GSDMB: variants seen among roughly 807,000 people sequenced by gnomAD.
GSDMB encodes gasdermin-B.
A neutral mutation model predicts 42.9 loss-of-function variants in GSDMB; 32 were observed. The ratio of observed to expected loss-of-function variants is 0.75; its 90% confidence interval spans 0.56 to 1.00. The LOEUF is 1.00. Among genes scored for constraint, GSDMB ranks in the 50% least tolerant of loss-of-function variants. The pLI, the probability that GSDMB is intolerant of heterozygous loss-of-function variation, is 0.00. For synonymous variants in GSDMB, 175 were observed against 193.7 expected (o/e 0.90, Z 0.80); for missense variants, 468 against 498.5 (o/e 0.94, Z 0.58).
At chr17:39,917,007 G>A (rs2063723274) in intron 2 of GSDMB, 75 bp downstream of exon 2, 1 of 899,290 alleles carries the variant, frequency 1.1e-6, no homozygotes, top group East Asian at 2.4e-5. Context: ...GATAACAATG[G>A]GGAATTGAGA....
intron 2 of GSDMB, among the ~76,000 whole-genome samples, chr17:39,913,454 C>A (rs2063652121): frequency 6.6e-6 from 1 of 152,174 alleles, no homozygotes; most frequent in Non-Finnish European, 1.5e-5. Context: ...GAAACCCCAT[C>A]TCTACCAAAT....
intron 3 of GSDMB, among the ~76,000 whole-genome samples, chr17:39,911,843 CT>C (rs1464700144): frequency 6.6e-6 from 1 of 151,940 alleles, no homozygotes; most frequent in East Asian, 1.9e-4. Context: ...AGGAGAGTGC[CT>C]CTTAAACCAC....
In GSDMB at chr17:39,909,556, C is replaced by T. The variant is rs917601923; in HGVS notation, c.576+200G>A. The T allele has an allele frequency of 7.3e-6, 4 of 549,642 alleles. No individual in the cohort carries two copies. The South Asian group carries it at 7.9e-5, about 11-fold the overall frequency. 34.0% of individuals were successfully genotyped at this position (549,642 alleles called of 1,614,324 possible). A position where few individuals can be genotyped will look rare whatever the true frequency, so the allele number is the denominator to read the frequency against. ...ATTTAAAAAAGAAAGAAAGAAAATGCAAATGAAAAGAGGGCACCGCTAGAG... is the reference window on the plus strand; with the variant it reads ...ATTTAAAAAAGAAAGAAAGAAAATGTAAATGAAAAGAGGGCACCGCTAGAG... On this transcript the variant is annotated intron_variant, in intron 4 of 10. Coordinates refer to ENST00000418519, the MANE Select transcript of GSDMB (RefSeq NM_001165958.2).
chr17:39,906,982 C>A lies in GSDMB; in HGVS notation c.706G>T (p.Asp236Tyr). The A allele has an allele frequency of 6.2e-7, 1 of 1,614,076 alleles. No homozygotes were observed. The highest frequency in any genetic ancestry group is 8.5e-7 in the Non-Finnish European group (1 of 1,179,960). Residue 236 changes from aspartate (D) to tyrosine (Y), a missense_variant, in exon 7 of 11, where the codon GAT becomes TAT. Physicochemically the swap from Asp to Tyr is radical, Grantham distance 160. Coordinates refer to ENST00000418519, the MANE Select transcript of GSDMB (RefSeq NM_001165958.2). Reference sequence around the variant, plus strand: ...TTACCTAAACAGGATGAAGCACCATCCTTCTCTGCAGAGAGAGGAAGAGTT... The same window carrying A: ...TTACCTAAACAGGATGAAGCACCATACTTCTCTGCAGAGAGAGGAAGAGTT... The part of the protein sequence containing the change: ...GKTKSFPEEK[D>Y]GASSCLGKSL...
Position 39,917,283 on chromosome 17 carries a change from C to CGCTG in GSDMB, c.33_34insCAGC (p.Val12GlnfsTer4). 1 of 1,613,552 alleles carries CGCTG rather than the reference C, an allele frequency of 6.2e-7. No individual in the cohort carries two copies. Among genetic ancestry groups the CGCTG allele is most frequent in the Non-Finnish European group, 8.5e-7 (1 of 1,179,448 alleles). ...CCTCCAGCATCCATCTCCTTAACTA[C>CGCTG]AATTCTTGTGATTTCCTCAAATACG... On this transcript the variant is annotated frameshift_variant, in exon 2 of 11. Coordinates refer to ENST00000418519, the MANE Select transcript of GSDMB (RefSeq NM_001165958.2). LOFTEE classifies it high-confidence loss of function.
chr17:39,913,096 C>T (rs1430167108), intron 2 of GSDMB, among the ~76,000 whole-genome samples: 1 of 150,036 alleles, frequency 6.7e-6, no homozygotes, highest in Non-Finnish European at 1.5e-5. Flanking sequence ...GAGAGTGACA[C>T]TCTGCCTCTC....
At chr17:39,918,433 C>T (rs1420172979) in intron 1 of GSDMB, 101 bp downstream of exon 1, 2 of 152,596 alleles carry the variant, frequency 1.3e-5, no homozygotes, top group Admixed American at 6.5e-5. Context: ...TCTCTGGCCC[C>T]ATCATGGTGG....
At chr17:39,912,580 T>TC in intron 2 of GSDMB, 83 bp from the exon 3 acceptor site, 2 of 1,066,802 alleles carry the variant, frequency 1.9e-6, no homozygotes, top group Non-Finnish European at 2.9e-6. Context: ...GGCAGCCCCA[T>TC]CCTGGGTTCC....
In GSDMB at chr17:39,904,973, A is replaced by G. The variant is rs958861316; in HGVS notation, c.1099-9T>C. The G allele has an allele frequency of 6.2e-7, 1 of 1,612,694 alleles. No individual in the cohort carries two copies. The highest frequency in any genetic ancestry group is 8.5e-7 in the Non-Finnish European group (1 of 1,179,004). On this transcript the variant is annotated splice_polypyrimidine_tract_variant and intron_variant, in intron 10 of 10. Transcript: ENST00000418519. ...TCCATGACAGATTTCACCTGGAAGG[A>G]AACCCCCCAGATTGTAACAGCTAGG...
chr17:39,909,757 T>G lies in GSDMB; in HGVS notation c.575A>C (p.Lys192Thr), dbSNP rs552097998. The G allele has an allele frequency of 7.2e-5, 116 of 1,613,518 alleles. 1 individual carries two copies. The Admixed American group carries it at 8.2e-4, about 11-fold the overall frequency. The change falls in exon 4 of 11, where the codon AAG becomes ACG. Residue 192 changes from lysine to threonine, a missense_variant and splice_region_variant. Coordinates refer to ENST00000418519, the MANE Select transcript of GSDMB (RefSeq NM_001165958.2). Reference protein sequence around the residue: ...ISQGHLSYKHKGQREVTIPPN... With the variant: ...ISQGHLSYKHTGQREVTIPPN... Reference sequence around the variant, plus strand: ...GTCCCTGCCTCCCAGGATCCTAACCTTGTGTTTATAGCTGAGATGGCCCTG... The same window carrying G: ...GTCCCTGCCTCCCAGGATCCTAACCGTGTGTTTATAGCTGAGATGGCCCTG...
At chr17:39,912,770 A>C (rs1202680220) in intron 2 of GSDMB, among the ~76,000 whole-genome samples, 1 of 152,250 alleles carries the variant, frequency 6.6e-6, no homozygotes, top group Non-Finnish European at 1.5e-5. Flanking sequence ...CTGTTTCTTC[A>C]TCTATAGTAG....
intron 9 of GSDMB, 120 bp downstream of exon 9, chr17:39,905,727 G>A: frequency 8.6e-7 from 1 of 1,160,400 alleles, no homozygotes; most frequent in Non-Finnish European, 1.2e-6. Context: ...AAGACATGAA[G>A]GAGTGCCCCC....
At chr17:39,906,732 T>C in intron 7 of GSDMB, 1 of 1,283,136 alleles carries the variant, frequency 7.8e-7, no homozygotes. Flanking sequence ...CGGGACTCAG[T>C]CGTCACTAGT....
intron 2 of GSDMB, among the ~76,000 whole-genome samples, chr17:39,913,117 CA>C: frequency 4.1e-5 from 1 of 24,494 alleles, no homozygotes; most frequent in Non-Finnish European, 6.8e-5. Context: ...TGCCTCAAAA[CA>C]AAACAAAACA....
chr17:39,906,158 C>G lies in GSDMB; in HGVS notation c.841G>C (p.Ala281Pro). The G allele has an allele frequency of 6.2e-7, 1 of 1,614,158 alleles. No individual in the cohort carries two copies. Among genetic ancestry groups the G allele is most frequent in the South Asian group, 1.1e-5 (1 of 91,084 alleles). The change falls in exon 8 of 11, where the codon GCT (alanine) becomes CCT (proline). Residue 281 changes from alanine to proline, a missense_variant. Coordinates refer to ENST00000418519, the MANE Select transcript of GSDMB (RefSeq NM_001165958.2). ...EKRKDVLNSL[A>P]KCLGKEDIRQ... is the part of the protein sequence containing the mutation. Reference sequence around the variant, plus strand: ...ATATCCTCCTTGCCGAGGCACTTAGCGAGGGAGTTTAGCACATCTTTTCTC... The same window carrying G: ...ATATCCTCCTTGCCGAGGCACTTAGGGAGGGAGTTTAGCACATCTTTTCTC...
intron 5 of GSDMB, among the ~76,000 whole-genome samples, chr17:39,908,536 C>T (rs1006571591): frequency 3.3e-5 from 5 of 152,008 alleles, no homozygotes; most frequent in Non-Finnish European, 5.9e-5. Context: ...CATACCACCA[C>T]ACCCAGCTAA....
chr17:39,917,656 T>C (rs2063739498), intron 1 of GSDMB: 1 of 311,198 alleles, frequency 3.2e-6, no homozygotes. Context: ...GTAATATTTC[T>C]CCACCCTTGA....
intron 6 of GSDMB, 97 bp from the exon 7 acceptor site, chr17:39,907,084 C>A (rs1419860080): frequency 6.3e-7 from 1 of 1,585,448 alleles, no homozygotes; most frequent in African/African-American, 1.3e-5. Context: ...CTCTTGCAAT[C>A]TGAGCCCTCA....
intron 1 of GSDMB, chr17:39,918,333 G>A (rs1199497343): frequency 6.6e-6 from 1 of 152,174 alleles, no homozygotes; most frequent in Non-Finnish European, 1.5e-5. Flanking sequence ...AGCTTCCTGG[G>A]ATCCACTTCC....
Sources: gnomAD v4.1 joint callset for allele counts (sites outside exome capture counted in the v4.1 genomes callset) on GRCh38, gnomAD v4.1.1 for gene constraint, MANE v1.5 for transcripts, NCBI Gene and HGNC (gene_info 2026-07-23, HGNC 2026-07-21) for gene names.